Variants in WWOX observed in about 807,000 individuals in gnomAD.
WWOX encodes the protein WW domain-containing oxidoreductase.
A neutral mutation model predicts 46.2 loss-of-function variants in WWOX; 69 were observed. That is an observed-to-expected ratio of 1.49 (90% CI 1.23 to 1.82). The LOEUF is 1.82. WWOX is among the 40% of genes most tolerant of loss of function. The pLI is 0.00. For synonymous variants in WWOX, 359 were observed against 202.6 expected, an observed-to-expected ratio of 1.77 and a Z score of -6.56; for missense variants, 919 against 542.6, an observed-to-expected ratio of 1.69 and a Z score of -6.89.
chr16:78,329,263 G>T (rs559692288), intron 5 of WWOX, among the ~76,000 whole-genome samples: 1 of 152,162 alleles, frequency 6.6e-6, no homozygotes, highest in Non-Finnish European at 1.5e-5. Flanking sequence ...TGAGATGGTA[G>T]TTTCCTCCTC....
intron 5 of WWOX, among the ~76,000 whole-genome samples, chr16:78,370,798 G>C (rs956448572): frequency 1.4e-5 from 2 of 147,908 alleles, no homozygotes; most frequent in African/African-American, 5.0e-5. Flanking sequence ...TGGGGGGGGG[G>C]GGGCAATGCA....
chr16:78,936,614 C>G (rs183693852), intron 8 of WWOX, among the ~76,000 whole-genome samples: 43 of 152,256 alleles, frequency 2.8e-4, no homozygotes, highest in African/African-American at 8.9e-4. Flanking sequence ...GCAAGGTCCA[C>G]AGGCTGGATG....
chr16:79,062,358 C>T (rs926763803), intron 8 of WWOX, among the ~76,000 whole-genome samples: 6 of 152,088 alleles, frequency 3.9e-5, no homozygotes, highest in Non-Finnish European at 7.3e-5. Flanking sequence ...GTAATGGGGA[C>T]CTCATAATAG....
intron 5 of WWOX, among the ~76,000 whole-genome samples, chr16:78,198,413 T>A (rs1828269041): frequency 6.6e-6 from 1 of 152,154 alleles, no homozygotes; most frequent in Non-Finnish European, 1.5e-5. Flanking sequence ...AGACAAACCA[T>A]AGCAAGCAAT....
intron 8 of WWOX, among the ~76,000 whole-genome samples, chr16:78,754,521 T>G (rs1036236656): frequency 6.6e-6 from 1 of 152,120 alleles, no homozygotes; most frequent in Non-Finnish European, 1.5e-5. Flanking sequence ...TCTTAAGGTT[T>G]TTTGTTTTTG....
chr16:78,655,836 T>C (rs1004397321), intron 8 of WWOX, among the ~76,000 whole-genome samples: 7 of 152,222 alleles, frequency 4.6e-5, no homozygotes, highest in Admixed American at 3.3e-4. Flanking sequence ...ATTTAGGTGA[T>C]GTGGGCTTGA....
chr16:78,469,154 A>G (rs2084159542), intron 8 of WWOX, among the ~76,000 whole-genome samples: 1 of 152,210 alleles, frequency 6.6e-6, no homozygotes, highest in Admixed American at 6.5e-5. Context: ...TGAAGTTGCA[A>G]GAAGTCACCA....
At chr16:78,563,221 A>G (rs2044481146) in intron 8 of WWOX, among the ~76,000 whole-genome samples, 1 of 152,158 alleles carries the variant, frequency 6.6e-6, no homozygotes, top group African/African-American at 2.4e-5. Context: ...TGAAAATGTC[A>G]TTTGCAAAAC....
chr16:78,862,917 C>G (rs1399267941), intron 8 of WWOX, among the ~76,000 whole-genome samples: 6 of 151,060 alleles, frequency 4.0e-5, no homozygotes, highest in African/African-American at 1.5e-4. Context: ...GTGGCCCAGT[C>G]AAGTGGACAC....
chr16:79,170,334 C>T (rs886082976), intron 8 of WWOX, among the ~76,000 whole-genome samples: 3 of 152,168 alleles, frequency 2.0e-5, no homozygotes, highest in Non-Finnish European at 4.4e-5. Context: ...TGCAAGGTCC[C>T]CCAGCTAGGA....
intron 6 of WWOX, among the ~76,000 whole-genome samples, chr16:78,398,599 G>A (rs1046497848): frequency 6.6e-6 from 1 of 152,164 alleles, no homozygotes; most frequent in African/African-American, 2.4e-5. Context: ...ATACTTCGGG[G>A]ATGCTTTTTT....
chr16:78,450,871 A>G (rs907026075), intron 8 of WWOX, among the ~76,000 whole-genome samples: 19 of 152,236 alleles, frequency 1.2e-4, no homozygotes, highest in African/African-American at 3.4e-4. Flanking sequence ...ATTTCAAAAG[A>G]ATTAGGTTCT....
chr16:78,876,059 G>A (rs1463754610), intron 8 of WWOX, among the ~76,000 whole-genome samples: 1 of 152,062 alleles, frequency 6.6e-6, no homozygotes, highest in Non-Finnish European at 1.5e-5. Context: ...CACTGCAGAT[G>A]GACAGCTGCC....
intron 8 of WWOX, among the ~76,000 whole-genome samples, chr16:79,035,843 C>A (rs1294553251): frequency 6.6e-6 from 1 of 152,242 alleles, no homozygotes; most frequent in Non-Finnish European, 1.5e-5. Context: ...AGGGATCCTG[C>A]CTCTGCCTCC....
chr16:78,391,574 A>G (rs1215708651), intron 6 of WWOX, among the ~76,000 whole-genome samples: 1 of 152,218 alleles, frequency 6.6e-6, no homozygotes, highest in Non-Finnish European at 1.5e-5. Flanking sequence ...CTGGCCAGGC[A>G]CGGTGGCTCA....
Position 79,211,822 on chromosome 16 carries a change from C to T in WWOX, c.*26C>T, listed in dbSNP as rs751398642. The T allele has an allele frequency of 1.4e-5, 22 of 1,613,490 alleles. No homozygotes were observed. In the Admixed American group the frequency reaches 3.5e-4, roughly 26 times the overall value. ...GTGGAGCTCAGAGCGGATGGGCACA[C>T]ACACCCGCCCTGTGTGTGTCCCCTC... is the stretch of plus-strand genomic sequence containing the variant. On this transcript the variant is annotated 3_prime_UTR_variant, in exon 9 of 9. Transcript: ENST00000566780.
intron 5 of WWOX, among the ~76,000 whole-genome samples, chr16:78,316,525 T>G (rs1477011780): frequency 6.6e-6 from 1 of 152,000 alleles, no homozygotes; most frequent in Admixed American, 6.6e-5. Flanking sequence ...GTATTTTTAA[T>G]AGAGATGTGG....
chr16:78,808,278 A>G (rs528584915), intron 8 of WWOX, among the ~76,000 whole-genome samples: 6 of 152,324 alleles, frequency 3.9e-5, no homozygotes, highest in African/African-American at 9.6e-5. Context: ...CCTTTGGACT[A>G]TGGATCCGTT....
chr16:78,813,285 C>G (rs1567577793), intron 8 of WWOX, among the ~76,000 whole-genome samples: 2 of 151,434 alleles, frequency 1.3e-5, no homozygotes, highest in African/African-American at 2.4e-5. Context: ...CCTTAATTTC[C>G]TTTTTTTCCC....
Sources: gnomAD v4.1 joint callset for allele counts (sites outside exome capture counted in the v4.1 genomes callset) on GRCh38, gnomAD v4.1.1 for gene constraint, MANE v1.5 for transcripts, NCBI Gene and HGNC (gene_info 2026-07-23, HGNC 2026-07-21) for gene names.